The following LARGE1 variants were observed in gnomAD, a reference collection of about 807,000 sequenced individuals.
LARGE1 encodes xylosyl- and glucuronyltransferase LARGE1.
LARGE1 carries 43 observed loss-of-function variants against 87.6 expected under a neutral mutation model. That is an observed-to-expected ratio of 0.49 (90% CI 0.38 to 0.63). The LOEUF (loss-of-function observed/expected upper bound fraction) is 0.63, where lower values mean the gene tolerates loss of function less well. LARGE1 is among the 30% of genes least tolerant of loss of function. The probability of loss-of-function intolerance (pLI) is 0.00; values close to 1 mark genes in which losing one functional copy is unlikely to be tolerated. For missense variants in LARGE1, 802 were observed against 1,000.2 expected, an observed-to-expected ratio of 0.80 and a Z score of 2.67; for synonymous variants, 434 against 394.6, an observed-to-expected ratio of 1.10 and a Z score of -1.18.
At chr22:33,441,794 G>T (rs2067489589) in intron 6 of LARGE1, among the ~76,000 whole-genome samples, 1 of 152,164 alleles carries the variant, frequency 6.6e-6, no homozygotes, top group Non-Finnish European at 1.5e-5. Flanking sequence ...TTTTTCTCAT[G>T]TGTAAAATGG....
rs188427353 is a variant in LARGE1, at chr22:33,886,017, G to T, written c.-83+33978C>A. 4.0e-3 allele frequency among the ~76,000 whole-genome samples: 607 copies of T among 152,106 alleles called. 4 individuals carry two copies. The highest frequency in any genetic ancestry group is 7.1e-3 in the Non-Finnish European group (484 of 68,004). The stretch of plus-strand genomic sequence containing the variant: ...GGCACTGCAGCCTGGGTGACAGAGT[G>T]AGACTCTGGTCAATAAATAAATAAA... On this transcript the variant is annotated intron_variant, in intron 1 of 14. Transcript: ENST00000397394.
chr22:33,774,831 G>A (rs1445154832), intron 1 of LARGE1, among the ~76,000 whole-genome samples: 2 of 152,244 alleles, frequency 1.3e-5, no homozygotes, highest in African/African-American at 4.8e-5. Flanking sequence ...AAGTAGCCAC[G>A]CTTCAGGTGC....
At chr22:33,700,981 G>A (rs2082390330) in intron 2 of LARGE1, among the ~76,000 whole-genome samples, 1 of 152,180 alleles carries the variant, frequency 6.6e-6, no homozygotes, top group Admixed American at 6.5e-5. Context: ...TGACAGCAGT[G>A]TTTCTCACCC....
intron 2 of LARGE1, among the ~76,000 whole-genome samples, chr22:33,724,509 G>C (rs1443893949): frequency 6.6e-6 from 1 of 152,170 alleles, no homozygotes; most frequent in East Asian, 1.9e-4. Context: ...GTATGCTCCA[G>C]TAGGCTCATT....
At chr22:33,648,064 T>G (rs2080675241) in intron 3 of LARGE1, among the ~76,000 whole-genome samples, 1 of 152,152 alleles carries the variant, frequency 6.6e-6, no homozygotes, top group Non-Finnish European at 1.5e-5. Context: ...GCCCAGAACT[T>G]GATTTTAATC....
At chr22:33,089,143 A>G in the LARGE1 span, among the ~76,000 whole-genome samples, 10 of 152,092 alleles carry the variant, frequency 6.6e-5, no homozygotes, top group Non-Finnish European at 1.3e-4. Context: ...TAAGTCTTTC[A>G]TTTTCTTCAG....
intron 11 of LARGE1, among the ~76,000 whole-genome samples, chr22:33,266,992 C>T (rs1927985545): frequency 1.3e-5 from 2 of 151,864 alleles, no homozygotes; most frequent in East Asian, 3.9e-4. Flanking sequence ...GTAATCCCAG[C>T]ACTTTGGGAG....
intron 11 of LARGE1, among the ~76,000 whole-genome samples, chr22:33,239,917 C>T (rs759652103): frequency 3.2e-4 from 49 of 152,266 alleles, no homozygotes; most frequent in Admixed American, 9.2e-4. Context: ...AATCTTATGT[C>T]AGTTAAATGC....
In LARGE1 at chr22:33,273,649, G is replaced by C. The variant is rs914010274; in HGVS notation, c.*778C>G. On this transcript the variant is annotated 3_prime_UTR_variant, in exon 15 of 15. Coordinates refer to ENST00000397394, the MANE Select transcript of LARGE1 (RefSeq NM_133642.5). ...AGCCTCGGTGATCATCCTGAAGGAA[G>C]CTGCCCATGTTTAAATATCGGCCGA... 1 of 398,818 alleles carries C rather than the reference G, an allele frequency of 2.5e-6. No individual in the cohort carries two copies. Among genetic ancestry groups the C allele is most frequent in the African/African-American group, 2.1e-5 (1 of 48,630 alleles). The allele number at this position is 398,818 out of a possible 1,614,324, so 24.7% of individuals were successfully genotyped here.
intron 11 of LARGE1, among the ~76,000 whole-genome samples, chr22:33,246,092 T>A (rs183421856): frequency 5.3e-5 from 8 of 152,332 alleles, no homozygotes; most frequent in African/African-American, 1.9e-4. Flanking sequence ...TGCACCATTT[T>A]AAAATAAAAT....
At chr22:33,797,086 A>G (rs2086010383) in intron 1 of LARGE1, among the ~76,000 whole-genome samples, 1 of 152,124 alleles carries the variant, frequency 6.6e-6, no homozygotes, top group African/African-American at 2.4e-5. Flanking sequence ...TTCTAAAAGC[A>G]TCTCCAAAGT....
chr22:33,114,346 C>T, the LARGE1 span, among the ~76,000 whole-genome samples: 4 of 152,292 alleles, frequency 2.6e-5, no homozygotes, highest in East Asian at 7.7e-4. Context: ...TAACTTATCC[C>T]AGCAAGGTTC....
At chr22:33,643,425 A>G (rs1022590505) in intron 3 of LARGE1, among the ~76,000 whole-genome samples, 2 of 152,242 alleles carry the variant, frequency 1.3e-5, no homozygotes, top group African/African-American at 2.4e-5. Context: ...ATAGCACTAA[A>G]TGCCCACAAC....
intron 6 of LARGE1, among the ~76,000 whole-genome samples, chr22:33,502,577 C>CA (rs1402011067): frequency 2.0e-5 from 3 of 151,000 alleles, no homozygotes; most frequent in African/African-American, 4.9e-5. Flanking sequence ...CTGCCACGTG[C>CA]TTTTTTTTTG....
At chr22:33,467,028 G>A (rs904707629) in intron 6 of LARGE1, among the ~76,000 whole-genome samples, 6 of 152,070 alleles carry the variant, frequency 3.9e-5, no homozygotes, top group African/African-American at 1.2e-4. Flanking sequence ...GGTAACAAGA[G>A]CAAAACTCTC....
chr22:33,239,535 CTTTTTTTTTTTTTT>C (rs71187254), intron 11 of LARGE1, among the ~76,000 whole-genome samples: 1 of 95,314 alleles, frequency 1.0e-5, no homozygotes, highest in African/African-American at 3.9e-5. Context: ...TTTTTCTTTT[CTTTTTTTTTTTTTT>C]TTTTTTTGAG....
chr22:33,337,189 C>A (rs1386293110), intron 10 of LARGE1, among the ~76,000 whole-genome samples: 1 of 151,994 alleles, frequency 6.6e-6, no homozygotes, highest in Non-Finnish European at 1.5e-5. Context: ...TGACTTAGTA[C>A]CTACCTAACA....
At chr22:33,837,279 C>CACACACACACACACACACACACAT (rs1491397964) in intron 1 of LARGE1, among the ~76,000 whole-genome samples, 35 of 151,636 alleles carry the variant, frequency 2.3e-4, no homozygotes, top group South Asian at 1.7e-3. Context: ...CACACACACA[C>CACACACACACACACACACACACAT]ACCTATACAT....
chr22:33,724,958 CTTCAT>C (rs2083224576), intron 2 of LARGE1: 1 of 152,274 alleles, frequency 6.6e-6, no homozygotes, highest in Non-Finnish European at 1.5e-5. Context: ...CTGATTCTGA[CTTCAT>C]AAAGGGCCCT....
Sources: allele counts gnomAD v4.1 joint callset (sites outside exome capture counted in the v4.1 genomes callset), GRCh38; gene constraint gnomAD v4.1.1; transcripts MANE v1.5; gene names NCBI Gene and HGNC (gene_info 2026-07-23, HGNC 2026-07-21).